The following TMEM38B variants were observed in gnomAD, a reference collection of about 807,000 sequenced individuals.
The protein encoded by TMEM38B is trimeric intracellular cation channel type B.
A neutral mutation model predicts 28.7 loss-of-function variants in TMEM38B; 24 were observed. The ratio of observed to expected loss-of-function variants is 0.84; its 90% confidence interval spans 0.61 to 1.18. The LOEUF is 1.18. Among genes scored for constraint, TMEM38B ranks in the 50% most tolerant of loss-of-function variants. TMEM38B has a pLI of 0.00. For synonymous variants in TMEM38B, 131 were observed against 127.7 expected (o/e 1.03, Z -0.17); for missense variants, 380 against 350.9 (o/e 1.08, Z -0.66).
chr9:105,713,400 A>G (rs1439545010), intron 2 of TMEM38B, among the ~76,000 whole-genome samples: 2 of 152,062 alleles, frequency 1.3e-5, no homozygotes, highest in Non-Finnish European at 2.9e-5. Context: ...CCTCTCCCCA[A>G]TCTTGGAGCA....
At chr9:105,711,565 G>A (rs771235775) in intron 2 of TMEM38B, among the ~76,000 whole-genome samples, 40 of 152,050 alleles carry the variant, frequency 2.6e-4, no homozygotes, top group South Asian at 4.2e-4. Context: ...ACAACTTTGC[G>A]CCTGGGACAG....
chr9:105,703,210 T>C (rs1835517727), intron 1 of TMEM38B, among the ~76,000 whole-genome samples: 1 of 152,162 alleles, frequency 6.6e-6, no homozygotes, highest in South Asian at 2.1e-4. Flanking sequence ...GGAAGCCAGG[T>C]GTGGTGGCTC....
chr9:105,732,299 G>A (rs924301667), intron 4 of TMEM38B, among the ~76,000 whole-genome samples: 2 of 152,162 alleles, frequency 1.3e-5, no homozygotes, highest in Non-Finnish European at 2.9e-5. Context: ...CTGTGCAGAA[G>A]CTCTTGAGTT....
intron 5 of TMEM38B, chr9:105,758,647 CA>C: frequency 1.2e-6 from 1 of 800,850 alleles, no homozygotes; most frequent in Non-Finnish European, 2.2e-6. Context: ...AGATTTCCTG[CA>C]ACTTAGCCAT....
intron 4 of TMEM38B, among the ~76,000 whole-genome samples, chr9:105,747,413 G>A (rs897293787): frequency 4.6e-5 from 7 of 152,008 alleles, no homozygotes; most frequent in Admixed American, 4.6e-4. Flanking sequence ...CTGTGGGATC[G>A]GTGGTGATAT....
intron 4 of TMEM38B, among the ~76,000 whole-genome samples, chr9:105,733,042 T>C (rs1028085970): frequency 2.0e-5 from 3 of 152,090 alleles, no homozygotes; most frequent in African/African-American, 7.2e-5. Context: ...AGTTGTGCGG[T>C]TTTGAGTGAG....
At chr9:105,707,590 G>A (rs79745809) in intron 2 of TMEM38B, among the ~76,000 whole-genome samples, 3,523 of 152,172 alleles carry the variant, frequency 0.023, 135 homozygotes, top group African/African-American at 0.081. Flanking sequence ...GTAATCCTGG[G>A]AACCTATGGC....
intron 1 of TMEM38B, among the ~76,000 whole-genome samples, chr9:105,704,229 TAA>T (rs71366011): frequency 2.6e-4 from 39 of 148,846 alleles, no homozygotes; most frequent in African/African-American, 9.1e-4. Flanking sequence ...ACTTAAAGTA[TAA>T]AAAAAAAATA....
chr9:105,695,213 G>C (rs1835248977), intron 1 of TMEM38B, among the ~76,000 whole-genome samples: 2 of 142,720 alleles, frequency 1.4e-5, no homozygotes, highest in East Asian at 3.9e-4. Context: ...CGCAGTGTTT[G>C]AAAGTCATGT....
intron 5 of TMEM38B, among the ~76,000 whole-genome samples, chr9:105,764,260 G>A (rs1287406884): frequency 3.9e-5 from 6 of 152,128 alleles, no homozygotes; most frequent in African/African-American, 1.2e-4. Flanking sequence ...GGAAATAAAG[G>A]GTATTCAGTT....
At chr9:105,705,845 T>A (rs918318884) in intron 2 of TMEM38B, 92 bp downstream of exon 2, 1 of 1,389,850 alleles carries the variant, frequency 7.2e-7, no homozygotes. Flanking sequence ...GAACAATATT[T>A]TACGTGCTTG....
intron 5 of TMEM38B, 60 bp from the exon 6 acceptor site, chr9:105,773,805 C>T (rs1187372293): frequency 7.9e-6 from 12 of 1,515,268 alleles, no homozygotes; most frequent in African/African-American, 1.4e-5. Flanking sequence ...TTTTGTTTCT[C>T]TCTCTTGAGA....
chr9:105,699,616 G>T (rs1430313379), intron 1 of TMEM38B, among the ~76,000 whole-genome samples: 3 of 152,176 alleles, frequency 2.0e-5, no homozygotes, highest in African/African-American at 7.2e-5. Flanking sequence ...GTTTGGTTCA[G>T]GTTTTCGGCT....
At chr9:105,728,557 A>G (rs530911835) in intron 4 of TMEM38B, among the ~76,000 whole-genome samples, 2 of 152,312 alleles carry the variant, frequency 1.3e-5, no homozygotes, top group South Asian at 2.1e-4. Context: ...ATACGTGTGC[A>G]TGTGTCTTTA....
At chr9:105,716,272 C>G (rs1054937073) in intron 2 of TMEM38B, among the ~76,000 whole-genome samples, 3 of 152,054 alleles carry the variant, frequency 2.0e-5, no homozygotes, top group African/African-American at 7.2e-5. Flanking sequence ...AAGCTTAAAG[C>G]TCAGAGGGAC....
intron 5 of TMEM38B, among the ~76,000 whole-genome samples, chr9:105,765,517 C>T (rs995535186): frequency 1.3e-5 from 2 of 152,174 alleles, no homozygotes; most frequent in African/African-American, 4.8e-5. Flanking sequence ...AGCCACTACC[C>T]ATAGCCCCAG....
chr9:105,748,232 A>C, intron 5 of TMEM38B, 42 bp downstream of exon 5: 1 of 1,409,024 alleles, frequency 7.1e-7, no homozygotes, highest in Non-Finnish European at 1.0e-6. Context: ...AATCCTGTAT[A>C]ACTATTCCCC....
At chr9:105,760,471 T>TA (rs1371794869) in intron 5 of TMEM38B, 2 of 740,878 alleles carry the variant, frequency 2.7e-6, no homozygotes, top group African/African-American at 1.8e-5. Context: ...TTTGCCAACT[T>TA]ATTCATACTG....
rs1826695855 is a variant in TMEM38B at position 105,775,478 on chromosome 9, C to T, written c.*1398C>T. 2 of 151,764 alleles carry T rather than the reference C, an allele frequency of 1.3e-5. No individual in the cohort carries two copies. The allele number at this position is 151,764 out of a possible 1,614,324, so 9.4% of individuals were successfully genotyped here. On this transcript the variant is annotated 3_prime_UTR_variant, in exon 6 of 6. Coordinates refer to ENST00000374692, the MANE Select transcript of TMEM38B (RefSeq NM_018112.3). ...AGAAGTACTCAAGTCACATCACATT[C>T]AAGTTAGAAGTTTTTTTTTTGTTGT...
Sources: gnomAD v4.1 joint callset for allele counts (sites outside exome capture counted in the v4.1 genomes callset) on GRCh38, gnomAD v4.1.1 for gene constraint, MANE v1.5 for transcripts, NCBI Gene and HGNC (gene_info 2026-07-23, HGNC 2026-07-21) for gene names.